Variants in MAST2 observed in about 807,000 individuals in gnomAD.
The protein encoded by MAST2 is microtubule-associated serine/threonine-protein kinase 2.
A neutral mutation model predicts 147.4 loss-of-function variants in MAST2; 70 were observed. That is an observed-to-expected ratio of 0.47 (90% CI 0.39 to 0.58). MAST2 has a LOEUF of 0.58. Among genes scored for constraint, MAST2 ranks in the 20% least tolerant of loss-of-function variants. MAST2 has a pLI of 0.00. For missense variants in MAST2, 2,080 were observed against 2,302.3 expected (o/e 0.90, Z 1.98); for synonymous variants, 869 against 896.8 (o/e 0.97, Z 0.55).
At chr1:46,013,077 A>C (rs1246208843) in intron 10 of MAST2, among the ~76,000 whole-genome samples, 3 of 152,126 alleles carry the variant, frequency 2.0e-5, no homozygotes, top group African/African-American at 7.2e-5. Flanking sequence ...TGACCTGATC[A>C]GATTTTAGAA....
At chr1:45,901,902 T>C (rs1445156415) in intron 4 of MAST2, among the ~76,000 whole-genome samples, 1 of 152,210 alleles carries the variant, frequency 6.6e-6, no homozygotes, top group East Asian at 1.9e-4. Flanking sequence ...GTTTTCTAGG[T>C]ATAGGATTAT....
chr1:45,878,914 G>A (rs1646720333), intron 3 of MAST2, among the ~76,000 whole-genome samples: 1 of 141,898 alleles, frequency 7.0e-6, no homozygotes, highest in African/African-American at 2.6e-5. Flanking sequence ...CCAAATTGAT[G>A]TATAATCCCA....
chr1:45,831,015 G>T (rs1484130514), intron 3 of MAST2, among the ~76,000 whole-genome samples: 4 of 143,920 alleles, frequency 2.8e-5, no homozygotes, highest in African/African-American at 1.1e-4. Flanking sequence ...TGGCGACAGA[G>T]TGAGACCTTG....
Position 46,010,825 on chromosome 1 carries a change from T to C in MAST2, c.1074T>C (p.Ile358=), listed in dbSNP as rs371910763. The stretch of plus-strand genomic sequence containing the variant: ...TGGCAGATGGAGCCCTGAGCTTTAT[T>C]CATCATCAGGTGATTGAGATGGCCC... ...LPLADGALSF[I]HHQVIEMARD... is the part of the protein sequence containing the mutation. The change falls in exon 10 of 29, where the codon ATT becomes ATC. Residue 358 remains isoleucine (I), a synonymous_variant. Coordinates refer to ENST00000361297, the MANE Select transcript of MAST2 (RefSeq NM_015112.3). The C allele has an allele frequency of 1.9e-4, 310 of 1,614,230 alleles. No homozygotes were observed. The Middle Eastern group carries it at 4.5e-3, about 23-fold the overall frequency.
At chr1:45,905,533 CT>C (rs984403756) in intron 4 of MAST2, among the ~76,000 whole-genome samples, 3 of 152,130 alleles carry the variant, frequency 2.0e-5, no homozygotes, top group African/African-American at 7.2e-5. Flanking sequence ...AATCTCAGCA[CT>C]TTTGGAGGCC....
intron 4 of MAST2, among the ~76,000 whole-genome samples, chr1:45,932,381 A>G (rs1248457607): frequency 6.6e-6 from 1 of 152,142 alleles, no homozygotes; most frequent in Non-Finnish European, 1.5e-5. Flanking sequence ...ATTATACTGT[A>G]TAAATTCAGT....
intron 4 of MAST2, among the ~76,000 whole-genome samples, chr1:45,930,270 G>C (rs761727115): frequency 6.6e-6 from 1 of 151,948 alleles, no homozygotes; most frequent in Non-Finnish European, 1.5e-5. Context: ...TAGTAGAGAC[G>C]GGGTTTCACC....
At chr1:46,032,482 C>G (rs1380609474) in intron 25 of MAST2, 78 bp downstream of exon 25, 1 of 1,598,284 alleles carries the variant, frequency 6.3e-7, no homozygotes, top group East Asian at 2.2e-5. Context: ...CCCATCTGTC[C>G]CTGCTCGGGG....
At chr1:45,991,575 G>A (rs192425780) in intron 5 of MAST2, among the ~76,000 whole-genome samples, 1 of 152,170 alleles carries the variant, frequency 6.6e-6, no homozygotes, top group African/African-American at 2.4e-5. Flanking sequence ...AATTTACAGT[G>A]TATAGATTTT....
At chr1:45,891,969 C>A (rs1027235798) in intron 4 of MAST2, among the ~76,000 whole-genome samples, 1 of 152,088 alleles carries the variant, frequency 6.6e-6, no homozygotes, top group Admixed American at 6.6e-5. Flanking sequence ...CAGGAAGTGG[C>A]CTTCCTTACC....
chr1:45,908,584 G>A (rs1426013164), intron 4 of MAST2, among the ~76,000 whole-genome samples: 1 of 152,316 alleles, frequency 6.6e-6, no homozygotes, highest in East Asian at 1.9e-4. Flanking sequence ...AATATTGGAA[G>A]ATTTTATATT....
intron 4 of MAST2, among the ~76,000 whole-genome samples, chr1:45,952,343 A>G (rs1169533488): frequency 6.6e-6 from 1 of 152,230 alleles, no homozygotes; most frequent in Admixed American, 6.5e-5. Flanking sequence ...CAGTGAATCC[A>G]TAGAGACAGT....
At chr1:45,901,632 A>G (rs924719212) in intron 4 of MAST2, among the ~76,000 whole-genome samples, 1 of 151,964 alleles carries the variant, frequency 6.6e-6, no homozygotes, top group Non-Finnish European at 1.5e-5. Context: ...ATGTTTTTCC[A>G]TTTGTTTGTG....
intron 3 of MAST2, among the ~76,000 whole-genome samples, chr1:45,879,205 T>A (rs1646734690): frequency 6.6e-6 from 1 of 151,902 alleles, no homozygotes; most frequent in Non-Finnish European, 1.5e-5. Context: ...TTGAAATAAG[T>A]GGATATCCAT....
At chr1:45,815,887 T>C (rs779100597) in intron 1 of MAST2, among the ~76,000 whole-genome samples, 25 of 152,216 alleles carry the variant, frequency 1.6e-4, no homozygotes, top group Admixed American at 7.2e-4. Flanking sequence ...GGAAATGTCA[T>C]GTGGCCTGTG....
intron 4 of MAST2, chr1:45,917,372 C>G: frequency 7.3e-7 from 1 of 1,366,446 alleles, no homozygotes; most frequent in Non-Finnish European, 9.8e-7. Context: ...CTGAAGTAAA[C>G]CAGCACATGT....
At chr1:45,838,521 T>C (rs926733744) in intron 3 of MAST2, among the ~76,000 whole-genome samples, 4 of 152,112 alleles carry the variant, frequency 2.6e-5, no homozygotes, top group African/African-American at 9.7e-5. Flanking sequence ...ATGCGCCCAG[T>C]CAGCTATTTT....
At chr1:45,983,522 ACT>A (rs2149072428) in intron 5 of MAST2, among the ~76,000 whole-genome samples, 1 of 141,520 alleles carries the variant, frequency 7.1e-6, no homozygotes, top group South Asian at 2.2e-4. Context: ...ACAAGATCTT[ACT>A]CTGTTACCCA....
At chr1:45,871,100 C>T (rs1420076523) in intron 3 of MAST2, among the ~76,000 whole-genome samples, 4 of 148,736 alleles carry the variant, frequency 2.7e-5, no homozygotes, top group Admixed American at 6.7e-5. Context: ...AAAAAAAAGT[C>T]CTGTTTGTAA....
Sources: gnomAD v4.1 joint callset for allele counts (sites outside exome capture counted in the v4.1 genomes callset) on GRCh38, gnomAD v4.1.1 for gene constraint, MANE v1.5 for transcripts, NCBI Gene and HGNC (gene_info 2026-07-23, HGNC 2026-07-21) for gene names.